Variants in TMEFF2 observed in about 807,000 individuals in gnomAD.
TMEFF2 encodes the protein transmembrane protein with EGF like and two follistatin like domains 2, also known as tomoregulin-2.
In TMEFF2, 28 loss-of-function variants were observed where a neutral mutation model predicts 53.8. The observed-to-expected ratio is 0.52, with a 90% CI of 0.39 to 0.71. TMEFF2 has a LOEUF of 0.71. TMEFF2 is among the 30% of genes least tolerant of loss of function. TMEFF2 has a pLI of 0.00. For missense variants in TMEFF2, 353 were observed against 455.2 expected (o/e 0.78, Z 2.04); for synonymous variants, 162 against 166.3 (o/e 0.97, Z 0.20).
chr2:192,166,671 G>T (rs1344098513), intron 4 of TMEFF2, among the ~76,000 whole-genome samples: 1 of 152,092 alleles, frequency 6.6e-6, no homozygotes, highest in Non-Finnish European at 1.5e-5. Flanking sequence ...GGCTCCACAT[G>T]CCCTGCAAAA....
At chr2:192,072,819 T>C (rs1037873208) in intron 4 of TMEFF2, among the ~76,000 whole-genome samples, 3 of 151,958 alleles carry the variant, frequency 2.0e-5, no homozygotes, top group Admixed American at 1.3e-4. Context: ...AGATTTAGTC[T>C]ATATAGTAGT....
intron 5 of TMEFF2, among the ~76,000 whole-genome samples, chr2:192,006,955 A>G (rs1686513546): frequency 6.6e-6 from 1 of 152,190 alleles, no homozygotes; most frequent in South Asian, 2.1e-4. Context: ...TTTACTGTAT[A>G]TAAGATTTAT....
intron 7 of TMEFF2, among the ~76,000 whole-genome samples, chr2:191,964,342 TTCTTTCTTTC>T (rs1692375372): frequency 1.3e-5 from 1 of 78,370 alleles, no homozygotes; most frequent in Non-Finnish European, 2.5e-5. Context: ...CCTTCTTTCT[TTCTTTCTTTC>T]TTTCTTTCTT....
chr2:191,997,875 G>A (rs1264844323), intron 7 of TMEFF2, among the ~76,000 whole-genome samples: 1 of 151,674 alleles, frequency 6.6e-6, no homozygotes, highest in Non-Finnish European at 1.5e-5. Context: ...TTAGAGACTA[G>A]CAAACTTTTC....
intron 5 of TMEFF2, chr2:192,035,403 T>C (rs766272402): frequency 2.6e-5 from 4 of 152,226 alleles, no homozygotes; most frequent in Non-Finnish European, 4.4e-5. Context: ...TCCACTGTTT[T>C]GGAGGTAGGA....
chr2:192,152,610 C>T (rs1398996247), intron 4 of TMEFF2, among the ~76,000 whole-genome samples: 9 of 151,820 alleles, frequency 5.9e-5, no homozygotes, highest in Admixed American at 2.0e-4. Flanking sequence ...GTATGGTACC[C>T]GCACACAGCA....
intron 5 of TMEFF2, among the ~76,000 whole-genome samples, chr2:192,048,853 G>A (rs1445920980): frequency 6.6e-6 from 1 of 152,196 alleles, no homozygotes; most frequent in South Asian, 2.1e-4. Flanking sequence ...GTGAAGGTAT[G>A]TCTCTTCTAT....
intron 4 of TMEFF2, among the ~76,000 whole-genome samples, chr2:192,100,826 G>A (rs1043067635): frequency 3.9e-5 from 6 of 152,030 alleles, no homozygotes; most frequent in African/African-American, 9.7e-5. Flanking sequence ...TATAGTTCAC[G>A]GTGATCAAAA....
chr2:192,194,610 C>A lies in TMEFF2; in HGVS notation c.-86G>T. On this transcript the variant is annotated 5_prime_UTR_variant, in exon 1 of 10. Coordinates refer to ENST00000272771, the MANE Select transcript of TMEFF2 (RefSeq NM_016192.4). The surrounding 1 kb of genome is among the most constrained non-coding windows in gnomAD (Gnocchi z 4.2). Reference sequence around the variant, plus strand: ...CCGGGCAGCGGGCTACTGAGCATCCCGCGGACGGCGGCAGCAGAGGCGGCG... The same window carrying A: ...CCGGGCAGCGGGCTACTGAGCATCCAGCGGACGGCGGCAGCAGAGGCGGCG... 1 of 1,501,626 alleles carries A rather than the reference C, an allele frequency of 6.7e-7. No individual in the cohort carries two copies. The highest frequency in any genetic ancestry group is 9.0e-7 in the Non-Finnish European group (1 of 1,106,682). 93.0% of individuals were successfully genotyped at this position (1,501,626 alleles called of 1,614,324 possible).
intron 5 of TMEFF2, among the ~76,000 whole-genome samples, chr2:192,012,043 C>T (rs1204986216): frequency 1.1e-4 from 16 of 151,878 alleles, no homozygotes; most frequent in Admixed American, 9.8e-4. Context: ...CCCACGACCT[C>T]GCCCGGCCCA....
chr2:192,001,301 C>T (rs747736553), intron 5 of TMEFF2, among the ~76,000 whole-genome samples: 25 of 151,990 alleles, frequency 1.6e-4, no homozygotes, highest in East Asian at 5.8e-4. Flanking sequence ...AGGGCTTTGA[C>T]GGTATATCCA....
intron 5 of TMEFF2, among the ~76,000 whole-genome samples, chr2:192,014,186 C>T (rs1235987537): frequency 6.6e-6 from 1 of 151,040 alleles, no homozygotes; most frequent in Non-Finnish European, 1.5e-5. Context: ...AACAATGGTC[C>T]AAATAGTCCT....
chr2:192,001,360 AT>A (rs906076381), intron 5 of TMEFF2, among the ~76,000 whole-genome samples: 45 of 151,988 alleles, frequency 3.0e-4, no homozygotes, highest in African/African-American at 1.1e-3. Context: ...TATATTTTAC[AT>A]TTTTATTAAT....
chr2:192,169,834 G>C (rs1218947221), intron 4 of TMEFF2, among the ~76,000 whole-genome samples: 3 of 152,028 alleles, frequency 2.0e-5, no homozygotes, highest in African/African-American at 4.8e-5. Flanking sequence ...TCTGGCATAA[G>C]GGAGCTCTCT....
rs1258490069 is a variant in TMEFF2, at chr2:192,000,811, A to AT, written c.537-1604dup. Among the ~76,000 whole-genome samples, 6 of 152,270 alleles carry AT rather than the reference A, an allele frequency of 3.9e-5. No homozygotes were observed. In the South Asian group the frequency reaches 1.2e-3, roughly 32 times the overall value. The stretch of plus-strand genomic sequence containing the variant: ...AGAATTGCTGTAGGAATGCCTGGTT[A>AT]TTTTTACATTTACCTATTTAGGAAC... On this transcript the variant is annotated intron_variant, in intron 5 of 9. Transcript: ENST00000272771.
chr2:192,011,595 G>T (rs1249313045), intron 5 of TMEFF2, among the ~76,000 whole-genome samples: 3 of 152,156 alleles, frequency 2.0e-5, no homozygotes, highest in Non-Finnish European at 4.4e-5. Flanking sequence ...GATGCTACAG[G>T]AATATAATAT....
chr2:192,143,385 C>G (rs553152334), intron 4 of TMEFF2, among the ~76,000 whole-genome samples: 9 of 152,144 alleles, frequency 5.9e-5, no homozygotes, highest in African/African-American at 2.2e-4. Context: ...CTATTGCATC[C>G]TCTTTGATTA....
chr2:192,041,839 C>T (rs983557043), intron 5 of TMEFF2, among the ~76,000 whole-genome samples: 20 of 152,206 alleles, frequency 1.3e-4, no homozygotes, highest in African/African-American at 2.2e-4. Context: ...AAACATATAA[C>T]GTTTTATCAG....
At chr2:191,971,880 A>G (rs979150405) in intron 7 of TMEFF2, among the ~76,000 whole-genome samples, 1 of 152,186 alleles carries the variant, frequency 6.6e-6, no homozygotes, top group Non-Finnish European at 1.5e-5. Context: ...ACAGAATAGT[A>G]GCGTGGGATA....
Sources: allele counts gnomAD v4.1 joint callset (sites outside exome capture counted in the v4.1 genomes callset), GRCh38; gene constraint gnomAD v4.1.1; non-coding constraint Gnocchi (gnomAD v3.1); transcripts MANE v1.5; gene names NCBI Gene and HGNC (gene_info 2026-07-23, HGNC 2026-07-21).